SLC49A3: variants seen among roughly 807,000 people sequenced by gnomAD.
SLC49A3 encodes solute carrier family 49 member A3.
In SLC49A3, 50 loss-of-function variants were observed where a neutral mutation model predicts 43.8. The observed-to-expected ratio is 1.14, with a 90% CI of 0.91 to 1.45. The LOEUF (loss-of-function observed/expected upper bound fraction) is 1.45. Among genes scored for constraint, SLC49A3 ranks in the 40% most tolerant of loss-of-function variants. The pLI is 0.00. For synonymous variants in SLC49A3, 413 were observed against 352.0 expected (o/e 1.17, Z -1.94); for missense variants, 906 against 774.1 (o/e 1.17, Z -2.02).
rs1322827339 is a variant in SLC49A3, at chr4:685,496, G to A, written c.585+339C>T. Among the ~76,000 whole-genome samples the A allele has an allele frequency of 6.6e-6, 1 of 151,618 alleles. No individual in the cohort carries two copies. The highest frequency in any genetic ancestry group is 1.5e-5 in the Non-Finnish European group (1 of 67,954). Reference sequence around the variant, plus strand: ...AGACGGATCATGAGGTCAGGAGTTCGAGACCAGCCTGGCCAACATGGTGAA... The same window carrying A: ...AGACGGATCATGAGGTCAGGAGTTCAAGACCAGCCTGGCCAACATGGTGAA... On this transcript the variant is annotated intron_variant, in intron 4 of 9. Coordinates refer to ENST00000322224, the MANE Select transcript of SLC49A3 (RefSeq NM_032219.4). This position sits in a 1 kb window ranked among gnomAD's most constrained non-coding sequence, Gnocchi z 4.3.
At chr4:677,709 G>A (rs1162790431), downstream of SLC49A3, among the ~76,000 whole-genome samples, 1 of 152,210 alleles carries the variant, frequency 6.6e-6, no homozygotes, top group Admixed American at 6.5e-5. Flanking sequence ...GCGTGTACAG[G>A]TGGCCCTGCT....
chr4:681,964 G>T lies in SLC49A3; in HGVS notation c.1674C>A (p.Ile558=), dbSNP rs1363074735. The T allele has an allele frequency of 2.9e-6, 4 of 1,372,950 alleles. No homozygotes were observed. The highest frequency in any genetic ancestry group is 3.8e-6 in the Non-Finnish European group (4 of 1,049,776). 85.0% of individuals were successfully genotyped at this position (1,372,950 alleles called of 1,614,324 possible). ...SHSSFSSPWV[I]T Reference sequence around the variant, plus strand: ...TGGACTACAAGGCGCTCAGCTACGTGATCACCCACGGGGAGGAGAAGGAGG... The same window carrying T: ...TGGACTACAAGGCGCTCAGCTACGTTATCACCCACGGGGAGGAGAAGGAGG... Residue 558 remains isoleucine, a synonymous_variant, in exon 10 of 10, where the codon ATC becomes ATA. Coordinates refer to ENST00000322224, the MANE Select transcript of SLC49A3 (RefSeq NM_032219.4).
downstream of SLC49A3, chr4:678,753 G>A (rs746044134): frequency 3.7e-6 from 6 of 1,610,356 alleles, no homozygotes; most frequent in Non-Finnish European, 5.1e-6. Context: ...CTCAGATCCA[G>A]GAGTTCAAGG....
rs543076738 is a variant in SLC49A3, at chr4:684,361, G to T, written c.840+122C>A. The T allele has an allele frequency of 1.3e-4, 184 of 1,364,500 alleles. 2 individuals are homozygous for T. In the African/African-American group the frequency reaches 2.1e-3, roughly 15 times the overall value. 84.5% of individuals were successfully genotyped at this position (1,364,500 alleles called of 1,614,324 possible). On this transcript the variant is annotated intron_variant, in intron 6 of 9. Coordinates refer to ENST00000322224, the MANE Select transcript of SLC49A3 (RefSeq NM_032219.4). ...GCATCTCGGGAGGGCCCACAGCACAGAAGGGTGTCAATGTGGCCCCCGCCA... is the reference window on the plus strand; with the variant it reads ...GCATCTCGGGAGGGCCCACAGCACATAAGGGTGTCAATGTGGCCCCCGCCA...
Position 685,427 on chromosome 4 carries a change from C to T in SLC49A3, c.585+408G>A, listed in dbSNP as rs750202944. 2.0e-5 allele frequency among the ~76,000 whole-genome samples: 3 copies of T among 151,700 alleles called. No individual in the cohort carries two copies. The highest frequency in any genetic ancestry group is 2.9e-5 in the Non-Finnish European group (2 of 67,948). Reference sequence around the variant, plus strand: ...AGAAACATCACACACTGGCCGGGCGCGGTGGCTCACGCCTGTCATCCTAGC... The same window carrying T: ...AGAAACATCACACACTGGCCGGGCGTGGTGGCTCACGCCTGTCATCCTAGC... On this transcript the variant is annotated intron_variant, in intron 4 of 9. Coordinates refer to ENST00000322224, the MANE Select transcript of SLC49A3 (RefSeq NM_032219.4). The surrounding 1 kb of genome is among the most constrained non-coding windows in gnomAD (Gnocchi z 4.3).
chr4:680,027 C>G (rs372492569), downstream of SLC49A3: 2 of 1,605,210 alleles, frequency 1.2e-6, no homozygotes, highest in Non-Finnish European at 1.7e-6. Context: ...CGGTGAGCAC[C>G]GGTGGGGCAG....
chr4:679,962 C>T (rs757818619), downstream of SLC49A3: 20 of 1,613,504 alleles, frequency 1.2e-5, no homozygotes, highest in East Asian at 2.2e-5. Flanking sequence ...CTCAAAGAGG[C>T]CTCGGGGCCC....
rs183972439 is a variant in SLC49A3 at position 684,311 on chromosome 4, G to C, written c.840+172C>G. ...TGCAGCTGTGCCCACCACCTCCACT[G>C]CCTGTGGACATAATGTCACACAGGG... On this transcript the variant is annotated intron_variant, in intron 6 of 9. Transcript: ENST00000322224. Among the ~76,000 whole-genome samples the C allele has an allele frequency of 6.4e-4, 97 of 152,272 alleles. 1 individual carries two copies. The highest frequency in any genetic ancestry group is 6.3e-3 in the Admixed American group (97 of 15,304).
At position 683,296 on chromosome 4, in the gene SLC49A3, C is replaced by G. The variant is rs772531062; in HGVS notation, c.1065G>C (p.Ser355=). Residue 355 remains serine, a synonymous_variant, in exon 8 of 10, where the codon TCG becomes TCC. Transcript: ENST00000322224. ...TCSLLGLFGF[S]VGPVAMELAV... is the part of the protein sequence containing the mutation. ...CCAACTCCATGGCCACGGGGCCCACCGAGAAGCCAAACAGCCCGAGCAGCG... is the reference window on the plus strand; with the variant it reads ...CCAACTCCATGGCCACGGGGCCCACGGAGAAGCCAAACAGCCCGAGCAGCG... The G allele has an allele frequency of 1.9e-6, 3 of 1,612,692 alleles. No individual in the cohort carries two copies. The highest frequency in any genetic ancestry group is 2.5e-6 in the Non-Finnish European group (3 of 1,179,826).
chr4:690,590 C>T (rs559408500), upstream of SLC49A3, among the ~76,000 whole-genome samples: 1 of 152,366 alleles, frequency 6.6e-6, no homozygotes, highest in African/African-American at 2.4e-5. Context: ...AGGGACCTCA[C>T]TATTGTGGAG....
downstream of SLC49A3, chr4:678,019 A>C: frequency 6.2e-7 from 1 of 1,612,952 alleles, no homozygotes; most frequent in South Asian, 1.1e-5. Context: ...AAGCAGGCAG[A>C]AGCAGGCATG....
downstream of SLC49A3, chr4:678,219 G>A (rs1348079947): frequency 1.3e-6 from 2 of 1,501,906 alleles, no homozygotes; most frequent in Non-Finnish European, 1.8e-6. Flanking sequence ...TGCGGGTGTG[G>A]GCTGTGCTGT....
At chr4:689,215 G>C, upstream of SLC49A3, 1 of 1,039,392 alleles carries the variant, frequency 9.6e-7, no homozygotes, top group Non-Finnish European at 1.2e-6. Flanking sequence ...GCCTGCGGGC[G>C]GAGGTGGGGC....
intron 4 of SLC49A3, 122 bp from the exon 5 acceptor site, chr4:684,978 C>T (rs1001239522): frequency 2.2e-6 from 3 of 1,369,566 alleles, no homozygotes; most frequent in African/African-American, 1.5e-5. Flanking sequence ...TGCCTCCCAA[C>T]CTCTGGTCTG....
chr4:681,440 CCCA>C (rs1739508329), downstream of SLC49A3, among the ~76,000 whole-genome samples: 1 of 150,882 alleles, frequency 6.6e-6, no homozygotes, highest in African/African-American at 2.4e-5. Context: ...GGAGCCGCCC[CCCA>C]CCCCCGACGC....
chr4:686,264 C>T lies in SLC49A3; in HGVS notation c.333G>A (p.Val111=). 6.2e-7 allele frequency: 1 copy of T among 1,613,446 alleles called. No homozygotes were observed. Residue 111 remains valine (V), a synonymous_variant, in exon 3 of 10, where the codon GTG becomes GTA. Transcript: ENST00000322224. The part of the protein sequence containing the change: ...LGAWLNFAGS[V]LRMVPCMVVG... Reference sequence around the variant, plus strand: ...CAACCATGCAGGGCACCATGCGTAGCACACTCCCGGCAAAGTTCAGCCACG... The same window carrying T: ...CAACCATGCAGGGCACCATGCGTAGTACACTCCCGGCAAAGTTCAGCCACG...
chr4:677,484 C>G (rs1033521521), downstream of SLC49A3, among the ~76,000 whole-genome samples: 2 of 152,240 alleles, frequency 1.3e-5, no homozygotes, highest in Non-Finnish European at 2.9e-5. Context: ...AGCTCCCAGC[C>G]ATGAGGTCAG....
At chr4:689,363 C>A (rs913986970), upstream of SLC49A3, 7 of 309,572 alleles carry the variant, frequency 2.3e-5, no homozygotes, top group Non-Finnish European at 4.1e-5. Context: ...CTCCTTCGGC[C>A]TCAGGCTGGA....
chr4:681,018 G>C (rs1739424911), downstream of SLC49A3: 1 of 1,511,684 alleles, frequency 6.6e-7, no homozygotes, highest in Non-Finnish European at 9.0e-7. Context: ...GGGGCCCCTG[G>C]AGCACCTGAG....
Sources: allele counts gnomAD v4.1 joint callset (sites outside exome capture counted in the v4.1 genomes callset), GRCh38; gene constraint gnomAD v4.1.1; non-coding constraint Gnocchi (gnomAD v3.1); transcripts MANE v1.5; gene names NCBI Gene and HGNC (gene_info 2026-07-23, HGNC 2026-07-21).